The following LHX6 variants were observed in gnomAD, a reference collection of about 807,000 sequenced individuals.
The protein encoded by LHX6 is LIM homeobox 6.
Under a neutral mutation model 47.1 loss-of-function variants are expected in LHX6, and 15 were observed. The observed-to-expected ratio is 0.32, with a 90% CI of 0.21 to 0.49. LHX6 has a LOEUF of 0.49. Ranked by LOEUF, LHX6 falls within the 20% of genes least tolerant of loss-of-function variation. The pLI, the probability that LHX6 is intolerant of heterozygous loss-of-function variation, is 0.99. For synonymous variants in LHX6, 242 were observed against 233.5 expected, an observed-to-expected ratio of 1.04 and a Z score of -0.33; for missense variants, 404 against 539.6, an observed-to-expected ratio of 0.75 and a Z score of 2.49.
chr9:122,226,814 G>T lies in LHX6; in HGVS notation c.339+34C>A. 6.5e-7 allele frequency: 1 copy of T among 1,548,102 alleles called. No individual in the cohort carries two copies. Among genetic ancestry groups the T allele is most frequent in the Non-Finnish European group, 8.7e-7 (1 of 1,145,974 alleles). On this transcript the variant is annotated intron_variant, in intron 3 of 9. Transcript: ENST00000394319. This position sits in a 1 kb window ranked among gnomAD's most constrained non-coding sequence, Gnocchi z 6.5. ...TCTCCTGCGCTGCGTCCCACGCCCCGACAACACGCACGCAACACCTACCCC... is the reference window on the plus strand; with the variant it reads ...TCTCCTGCGCTGCGTCCCACGCCCCTACAACACGCACGCAACACCTACCCC...
rs933285732 is a variant in LHX6 at position 122,228,543 on chromosome 9, G to T, written c.84+114C>A. 44 of 1,274,342 alleles carry T rather than the reference G, an allele frequency of 3.5e-5. No homozygotes were observed. The African/African-American group carries it at 7.6e-4, about 22-fold the overall frequency. 78.9% of individuals were successfully genotyped at this position (1,274,342 alleles called of 1,614,324 possible). A position where few individuals can be genotyped will look rare whatever the true frequency, so the allele number is the denominator to read the frequency against. On this transcript the variant is annotated intron_variant, in intron 1 of 9. Coordinates refer to ENST00000394319, the MANE Select transcript of LHX6 (RefSeq NM_014368.5). ...CACTCACAAGCACACACTCACAGGC[G>T]CACCCTCGTACCCCTCCTTCCTGCA...
chr9:122,202,768 T>A lies in LHX6; in HGVS notation c.*1992A>T, dbSNP rs1338453916. ...TTAAATAAATAGTCTTGATGGCCTG[T>A]ACGTTCCCAGGCTGCTCTTAACAGG... On this transcript the variant is annotated 3_prime_UTR_variant, in exon 10 of 10. Coordinates refer to ENST00000394319, the MANE Select transcript of LHX6 (RefSeq NM_014368.5). 6.6e-6 allele frequency: 1 copy of A among 152,622 alleles called. No individual in the cohort carries two copies. Among genetic ancestry groups the A allele is most frequent in the Admixed American group, 6.5e-5 (1 of 15,270 alleles). 9.5% of individuals were successfully genotyped at this position (152,622 alleles called of 1,614,324 possible). A position where few individuals can be genotyped will look rare whatever the true frequency, so the allele number is the denominator to read the frequency against.
chr9:122,208,819 G>A (rs912287747), intron 9 of LHX6, among the ~76,000 whole-genome samples: 1 of 131,020 alleles, frequency 7.6e-6, no homozygotes, highest in Admixed American at 8.5e-5. Flanking sequence ...TGGGCGATAA[G>A]AGTGAAACTC....
chr9:122,215,394 G>C lies in LHX6; in HGVS notation c.683-1011C>G, dbSNP rs555845802. On this transcript the variant is annotated intron_variant, in intron 5 of 9. Transcript: ENST00000394319. ...GTGTGTGTATCTGTGTGTGTGTTAT[G>C]TTTAAAAAGTGAAACAGTAGCCAAT... Among the ~76,000 whole-genome samples, 7 of 152,312 alleles carry C rather than the reference G, an allele frequency of 4.6e-5. No homozygotes were observed. The East Asian group carries it at 9.6e-4, about 21-fold the overall frequency.
Position 122,213,964 on chromosome 9 carries a change from C to A in LHX6, c.879+10G>T. Reference sequence around the variant, plus strand: ...CCGCGGTCCCCAGGCCCCGCCCACCCCCGTCCCACCTGGATGACTCTCCGG... The same window carrying A: ...CCGCGGTCCCCAGGCCCCGCCCACCACCGTCCCACCTGGATGACTCTCCGG... On this transcript the variant is annotated intron_variant, in intron 7 of 9. Transcript: ENST00000394319. This position sits in a 1 kb window ranked among gnomAD's most constrained non-coding sequence, Gnocchi z 5.5. 5 of 1,578,490 alleles carry A rather than the reference C, an allele frequency of 3.2e-6. No individual in the cohort carries two copies. Among genetic ancestry groups the A allele is most frequent in the Non-Finnish European group, 4.3e-6 (5 of 1,160,250 alleles).
intron 9 of LHX6, among the ~76,000 whole-genome samples, chr9:122,206,027 C>T (rs141086334): frequency 4.6e-5 from 7 of 152,226 alleles, no homozygotes; most frequent in Middle Eastern, 6.8e-3. Context: ...TCAAGAGTGG[C>T]GACCCTGGTA....
chr9:122,223,918 T>A (rs1830980555), intron 4 of LHX6, among the ~76,000 whole-genome samples: 1 of 152,188 alleles, frequency 6.6e-6, no homozygotes, highest in Admixed American at 6.5e-5. Flanking sequence ...CCTTAGTCTA[T>A]GGGAGAGACC....
chr9:122,202,646 CACG>C lies in LHX6; in HGVS notation c.*2111_*2113del, dbSNP rs1222562599. On this transcript the variant is annotated 3_prime_UTR_variant, in exon 10 of 10. Coordinates refer to ENST00000394319, the MANE Select transcript of LHX6 (RefSeq NM_014368.5). ...TTACACAAATAAGACATTTACAAAG[CACG>C]ACATGAAAGGTATGTAACAAAACAG... The C allele has an allele frequency of 6.6e-6, 1 of 152,588 alleles. No individual in the cohort carries two copies. The highest frequency in any genetic ancestry group is 1.5e-5 in the Non-Finnish European group (1 of 68,042). The allele number at this position is 152,588 out of a possible 1,614,324, so 9.5% of individuals were successfully genotyped here.
intron 4 of LHX6, among the ~76,000 whole-genome samples, chr9:122,219,501 C>G (rs1830738729): frequency 6.6e-6 from 1 of 152,200 alleles, no homozygotes; most frequent in East Asian, 1.9e-4. Context: ...GTTCCGCCAC[C>G]CGGCTGGTGG....
At position 122,202,702 on chromosome 9, in the gene LHX6, C is replaced by T. The variant is rs1468484310; in HGVS notation, c.*2058G>A. 6.6e-6 allele frequency: 1 copy of T among 152,566 alleles called. No individual in the cohort carries two copies. The highest frequency in any genetic ancestry group is 1.5e-5 in the Non-Finnish European group (1 of 68,030). 9.5% of individuals were successfully genotyped at this position (152,566 alleles called of 1,614,324 possible). A position where few individuals can be genotyped will look rare whatever the true frequency, so the allele number is the denominator to read the frequency against. On this transcript the variant is annotated 3_prime_UTR_variant, in exon 10 of 10. Transcript: ENST00000394319. ...ATTGGTTTTACAAAAAAAGTGCTTA[C>T]AATTTTTTTTCCGTGTGTGTGTTTT...
intron 4 of LHX6, among the ~76,000 whole-genome samples, chr9:122,220,661 T>C (rs1322508866): frequency 6.6e-6 from 1 of 152,176 alleles, no homozygotes; most frequent in Non-Finnish European, 1.5e-5. Context: ...GGGCCTTGCG[T>C]CCCTGGATCC....
rs779092541 is a variant in LHX6, at chr9:122,204,734, G to C, written c.*26C>G. 6.3e-7 allele frequency: 1 copy of C among 1,595,806 alleles called. No homozygotes were observed. Among genetic ancestry groups the C allele is most frequent in the Non-Finnish European group, 8.5e-7 (1 of 1,171,020 alleles). On this transcript the variant is annotated 3_prime_UTR_variant, in exon 10 of 10. Transcript: ENST00000394319. Reference sequence around the variant, plus strand: ...TGAGGGGCAGCTGTGGGGCGCCCACGGGCAGATGCGGAAGTGCCGGCAGCG... The same window carrying C: ...TGAGGGGCAGCTGTGGGGCGCCCACCGGCAGATGCGGAAGTGCCGGCAGCG...
chr9:122,210,417 A>G (rs1830358051), intron 8 of LHX6, among the ~76,000 whole-genome samples: 1 of 152,196 alleles, frequency 6.6e-6, no homozygotes, highest in South Asian at 2.1e-4. Context: ...TCTCTTAGGT[A>G]TCACCATGAC....
intron 8 of LHX6, among the ~76,000 whole-genome samples, chr9:122,212,333 T>C (rs1054326623): frequency 6.6e-6 from 1 of 152,094 alleles, no homozygotes; most frequent in African/African-American, 2.4e-5. Context: ...CCCACTAACT[T>C]ACAGTGGGCC....
Position 122,203,684 on chromosome 9 carries a change from A to G in LHX6, c.*1076T>C, listed in dbSNP as rs2118807617. ...AGTATTGATTGGGAAGCTCAGAGGC[A>G]CCAGTTGGAATCCTGAGCTTGGCAC... is the stretch of plus-strand genomic sequence containing the variant. On this transcript the variant is annotated 3_prime_UTR_variant, in exon 10 of 10. Transcript: ENST00000394319. 6.5e-6 allele frequency: 1 copy of G among 152,776 alleles called. No homozygotes were observed. Among genetic ancestry groups the G allele is most frequent in the Non-Finnish European group, 1.5e-5 (1 of 68,078 alleles). 9.5% of individuals were successfully genotyped at this position (152,776 alleles called of 1,614,324 possible).
chr9:122,209,247 T>C (rs1212808404), intron 9 of LHX6, among the ~76,000 whole-genome samples: 1 of 152,198 alleles, frequency 6.6e-6, no homozygotes, highest in Non-Finnish European at 1.5e-5. Flanking sequence ...CTCAGGATAT[T>C]CACTCCCAAC....
In LHX6 at chr9:122,213,260, A is replaced by G. The variant is rs1236953800; in HGVS notation, c.1054+346T>C. ...CTTAAAACGACACACTCATCTGCCT[A>G]TTTTTCCATGCCCACCAGAACGCAG... is the stretch of plus-strand genomic sequence containing the variant. On this transcript the variant is annotated intron_variant, in intron 8 of 9. Transcript: ENST00000394319. This position sits in a 1 kb window ranked among gnomAD's most constrained non-coding sequence, Gnocchi z 5.5. 6.6e-6 allele frequency among the ~76,000 whole-genome samples: 1 copy of G among 151,614 alleles called. No homozygotes were observed. Among genetic ancestry groups the G allele is most frequent in the Admixed American group, 6.6e-5 (1 of 15,234 alleles).
At chr9:122,206,034 G>A (rs1270437258) in intron 9 of LHX6, among the ~76,000 whole-genome samples, 1 of 152,150 alleles carries the variant, frequency 6.6e-6, no homozygotes, top group East Asian at 1.9e-4. Flanking sequence ...TGGCGACCCT[G>A]GTAGGACCCT....
Position 122,226,495 on chromosome 9 carries a change from G to A in LHX6, c.342C>T (p.Val114=). The stretch of plus-strand genomic sequence containing the variant: ...ACCGCACGTGCCAGATGAGGTTGTT[G>A]ACCTGGGGACGGGGCGGGGACGGAG... The part of the protein sequence containing the change: ...LEILDRYLLK[V]NNLIWHVRCL... Residue 114 remains valine (V), a splice_region_variant and synonymous_variant, in exon 4 of 10, where the codon GTC becomes GTT. Coordinates refer to ENST00000394319, the MANE Select transcript of LHX6 (RefSeq NM_014368.5). The surrounding 1 kb of genome is among the most constrained non-coding windows in gnomAD (Gnocchi z 6.5). The A allele has an allele frequency of 6.2e-7, 1 of 1,612,820 alleles. No individual in the cohort carries two copies.
Sources: gnomAD v4.1 joint callset for allele counts (sites outside exome capture counted in the v4.1 genomes callset) on GRCh38, gnomAD v4.1.1 for gene constraint, Gnocchi (gnomAD v3.1) non-coding constraint, MANE v1.5 for transcripts, NCBI Gene and HGNC (gene_info 2026-07-23, HGNC 2026-07-21) for gene names.